Variants in GABRG3 observed in about 807,000 individuals in gnomAD.
The protein encoded by GABRG3 is gamma-aminobutyric acid receptor subunit gamma-3.
A neutral mutation model predicts 48.8 loss-of-function variants in GABRG3; 25 were observed. The ratio of observed to expected loss-of-function variants is 0.51; its 90% CI spans 0.37 to 0.72. The LOEUF (loss-of-function observed/expected upper bound fraction) is 0.72, where lower values mean the gene tolerates loss of function less well. GABRG3 is among the 30% of genes least tolerant of loss of function. GABRG3 has a pLI of 0.00. For missense variants in GABRG3, 394 were observed against 577.9 expected, an observed-to-expected ratio of 0.68 and a Z score of 3.26; for synonymous variants, 227 against 217.6, an observed-to-expected ratio of 1.04 and a Z score of -0.38.
intron 2 of GABRG3, among the ~76,000 whole-genome samples, chr15:27,013,032 A>G (rs1029597016): frequency 4.6e-5 from 7 of 152,182 alleles, no homozygotes; most frequent in African/African-American, 9.6e-5. Context: ...GGAAGGTGAA[A>G]GAAATTTGAA....
chr15:27,148,361 C>A (rs1354293288), intron 3 of GABRG3, among the ~76,000 whole-genome samples: 1 of 151,882 alleles, frequency 6.6e-6, no homozygotes, highest in African/African-American at 2.4e-5. Flanking sequence ...TAACCAGAAG[C>A]CTTACCATCG....
intron 7 of GABRG3, among the ~76,000 whole-genome samples, chr15:27,524,454 T>C (rs547129951): frequency 1.3e-5 from 2 of 152,178 alleles, no homozygotes; most frequent in East Asian, 1.9e-4. Context: ...AGTGAAAATA[T>C]GGGCAAGTAA....
chr15:27,260,381 T>G (rs1890735026), intron 3 of GABRG3, among the ~76,000 whole-genome samples: 1 of 152,096 alleles, frequency 6.6e-6, no homozygotes, highest in Admixed American at 6.5e-5. Context: ...AGGCTCTATC[T>G]CTAAACACAG....
intron 3 of GABRG3, among the ~76,000 whole-genome samples, chr15:27,163,579 A>C (rs1887268506): frequency 6.6e-6 from 1 of 152,080 alleles, no homozygotes; most frequent in Non-Finnish European, 1.5e-5. Context: ...GAACCCAGGA[A>C]TTTGAGGTTA....
At chr15:27,107,213 C>G (rs1897465326) in intron 3 of GABRG3, among the ~76,000 whole-genome samples, 1 of 151,960 alleles carries the variant, frequency 6.6e-6, no homozygotes, top group Non-Finnish European at 1.5e-5. Context: ...ATTACTTTTA[C>G]TATATTGAGA....
chr15:27,222,824 C>T (rs1889495121), intron 3 of GABRG3, among the ~76,000 whole-genome samples: 1 of 152,214 alleles, frequency 6.6e-6, no homozygotes, highest in Non-Finnish European at 1.5e-5. Context: ...TGAGTGCACT[C>T]TCCTGGGAAT....
At chr15:27,055,027 T>TTTA (rs1566922059) in intron 3 of GABRG3, among the ~76,000 whole-genome samples, 1 of 134,164 alleles carries the variant, frequency 7.5e-6, no homozygotes, top group African/African-American at 3.1e-5. Flanking sequence ...TTTTTTTTTT[T>TTTA]AAATGACTTG....
chr15:27,239,987 C>T (rs17137712), intron 3 of GABRG3, among the ~76,000 whole-genome samples: 5,899 of 152,104 alleles, frequency 0.039, 211 homozygotes, highest in African/African-American at 0.095. Flanking sequence ...GGTTATGCAG[C>T]GGATGTTAAA....
At position 27,527,932 on chromosome 15, in the gene GABRG3, G is replaced by A; in HGVS notation, c.1063-1G>A. On this transcript the variant is annotated splice_acceptor_variant, in intron 8 of 9. Coordinates refer to ENST00000615808, the MANE Select transcript of GABRG3 (RefSeq NM_033223.5). LOFTEE classifies it high-confidence loss of function. Reference sequence around the variant, plus strand: ...AGTTATTTTTTCTTCTTTTCTTGTAGTTACTACATCCAGATTCCTCAAGAT... The same window carrying A: ...AGTTATTTTTTCTTCTTTTCTTGTAATTACTACATCCAGATTCCTCAAGAT... The A allele has an allele frequency of 6.3e-7, 1 of 1,577,578 alleles. No individual in the cohort carries two copies. Among genetic ancestry groups the A allele is most frequent in the Non-Finnish European group, 8.6e-7 (1 of 1,158,658 alleles).
intron 3 of GABRG3, among the ~76,000 whole-genome samples, chr15:27,141,772 C>T (rs115042149): frequency 4.6e-5 from 7 of 152,082 alleles, no homozygotes; most frequent in East Asian, 1.9e-4. Flanking sequence ...AATGAAGACC[C>T]GACTGAAAAC....
At chr15:27,362,110 A>C (rs922207845) in intron 5 of GABRG3, among the ~76,000 whole-genome samples, 1 of 152,222 alleles carries the variant, frequency 6.6e-6, no homozygotes, top group Non-Finnish European at 1.5e-5. Flanking sequence ...ATTTGTTCGC[A>C]TGAATTTCTT....
chr15:27,405,216 T>C (rs911186553), intron 5 of GABRG3, among the ~76,000 whole-genome samples: 2 of 152,200 alleles, frequency 1.3e-5, no homozygotes, highest in African/African-American at 4.8e-5. Flanking sequence ...TAGAAATCAA[T>C]TCCAGGTTGA....
intron 3 of GABRG3, among the ~76,000 whole-genome samples, chr15:27,215,144 C>T (rs942218045): frequency 6.6e-6 from 1 of 152,108 alleles, no homozygotes; most frequent in Non-Finnish European, 1.5e-5. Flanking sequence ...TCCAATATGC[C>T]TTTAAAAAGA....
chr15:27,127,863 A>AC (rs929099663), intron 3 of GABRG3, among the ~76,000 whole-genome samples: 2 of 151,714 alleles, frequency 1.3e-5, no homozygotes, highest in Non-Finnish European at 2.9e-5. Flanking sequence ...AAGAATAGAG[A>AC]CCCCCCACTG....
chr15:26,993,016 G>T (rs1895276098), intron 2 of GABRG3, among the ~76,000 whole-genome samples: 3 of 152,010 alleles, frequency 2.0e-5, no homozygotes, highest in Admixed American at 1.3e-4. Context: ...GATCATAGCA[G>T]CCACTAATGA....
intron 3 of GABRG3, among the ~76,000 whole-genome samples, chr15:27,281,569 C>T (rs2140479838): frequency 6.6e-6 from 1 of 151,326 alleles, no homozygotes; most frequent in South Asian, 2.1e-4. Flanking sequence ...CTGGGTGATA[C>T]ATGATACATA....
intron 9 of GABRG3, 125 bp from the exon 10 acceptor site, chr15:27,532,475 G>GAGTGGGGGAT: frequency 2.5e-6 from 2 of 812,974 alleles, no homozygotes; most frequent in Non-Finnish European, 3.5e-6. Flanking sequence ...ATGGGGGGAA[G>GAGTGGGGGAT]GGCACACCCA....
intron 6 of GABRG3, among the ~76,000 whole-genome samples, chr15:27,515,649 A>T (rs2150860188): frequency 6.6e-6 from 1 of 152,262 alleles, no homozygotes; most frequent in East Asian, 1.9e-4. Flanking sequence ...AGATGGAGGG[A>T]AATAACAACG....
chr15:27,183,366 G>A (rs759699033), intron 3 of GABRG3, among the ~76,000 whole-genome samples: 46 of 152,284 alleles, frequency 3.0e-4, no homozygotes, highest in African/African-American at 1.0e-3. Context: ...TGATGGCAGC[G>A]AAAAGGGAGG....
Sources: gnomAD v4.1 joint callset for allele counts (sites outside exome capture counted in the v4.1 genomes callset) on GRCh38, gnomAD v4.1.1 for gene constraint, MANE v1.5 for transcripts, NCBI Gene and HGNC (gene_info 2026-07-23, HGNC 2026-07-21) for gene names.